The following GRM8 variants were observed in gnomAD, a reference collection of about 807,000 sequenced individuals.
The protein encoded by GRM8 is glutamate metabotropic receptor 8, also known as metabotropic glutamate receptor 8.
In GRM8, 47 loss-of-function variants were observed where a neutral mutation model predicts 87.2. The ratio of observed to expected loss-of-function variants is 0.54; its 90% CI spans 0.43 to 0.69. The LOEUF is 0.69. Among genes scored for constraint, GRM8 ranks in the 30% least tolerant of loss-of-function variants. The pLI is 0.00. For synonymous variants in GRM8, 396 were observed against 404.5 expected (o/e 0.98, Z 0.25); for missense variants, 1,019 against 1,139.2 (o/e 0.89, Z 1.52).
intron 6 of GRM8, among the ~76,000 whole-genome samples, chr7:126,801,137 C>A (rs900054600): frequency 6.6e-5 from 10 of 152,058 alleles, no homozygotes; most frequent in Non-Finnish European, 1.2e-4. Context: ...AAATACAAAT[C>A]AAAGCCATGC....
chr7:126,876,231 T>C (rs954018377), intron 6 of GRM8, among the ~76,000 whole-genome samples: 3 of 152,206 alleles, frequency 2.0e-5, no homozygotes, highest in Non-Finnish European at 4.4e-5. Flanking sequence ...ATGTCTTAAT[T>C]ATCTTGTGGC....
intron 7 of GRM8, among the ~76,000 whole-genome samples, chr7:126,696,330 G>T (rs952145037): frequency 1.3e-5 from 2 of 152,108 alleles, no homozygotes; most frequent in Admixed American, 6.6e-5. Context: ...CCATCACCTA[G>T]GTATTAAGCC....
chr7:126,941,461 A>T (rs1278030490), intron 3 of GRM8, among the ~76,000 whole-genome samples: 1 of 146,224 alleles, frequency 6.8e-6, no homozygotes, highest in African/African-American at 2.5e-5. Flanking sequence ...AAAAAAAAAA[A>T]TACAAAATAT....
At chr7:126,989,066 T>C (rs927730472) in intron 3 of GRM8, among the ~76,000 whole-genome samples, 1 of 152,182 alleles carries the variant, frequency 6.6e-6, no homozygotes, top group African/African-American at 2.4e-5. Context: ...TATAAAACTA[T>C]ATCCCATCTG....
intron 2 of GRM8, among the ~76,000 whole-genome samples, chr7:127,199,121 G>A (rs549606801): frequency 6.6e-5 from 10 of 150,842 alleles, no homozygotes; most frequent in African/African-American, 1.7e-4. Flanking sequence ...GATTACAGGC[G>A]TGAGCCACCG....
chr7:126,651,912 C>T (rs1803931839), intron 7 of GRM8, among the ~76,000 whole-genome samples: 1 of 152,168 alleles, frequency 6.6e-6, no homozygotes, highest in South Asian at 2.1e-4. Flanking sequence ...CAAGACCCTT[C>T]AGGAATGAAG....
At position 126,972,108 on chromosome 7, in the gene GRM8, C is replaced by T. The variant is rs143051170; in HGVS notation, c.728-67425G>A. On this transcript the variant is annotated intron_variant, in intron 3 of 10. Coordinates refer to ENST00000339582, the MANE Select transcript of GRM8 (RefSeq NM_000845.3). ...AATTTCCACTTCCAAGTTCCAAATG[C>T]TATGCTTTCCCCTTTTCCAATTACC... Among the ~76,000 whole-genome samples the T allele has an allele frequency of 1.3e-3, 203 of 152,262 alleles. 1 individual carries two copies. The highest frequency in any genetic ancestry group is 4.6e-3 in the African/African-American group (190 of 41,548).
intron 7 of GRM8, among the ~76,000 whole-genome samples, chr7:126,633,435 G>A (rs1383714234): frequency 6.6e-6 from 1 of 152,140 alleles, no homozygotes; most frequent in Admixed American, 6.6e-5. Context: ...ATGAGCGCTA[G>A]CATCAATGCT....
At chr7:126,491,473 GA>G (rs1808004194) in intron 9 of GRM8, among the ~76,000 whole-genome samples, 1 of 152,006 alleles carries the variant, frequency 6.6e-6, no homozygotes, top group Admixed American at 6.6e-5. Context: ...TTCAGTTTAA[GA>G]AAAAGATTAT....
chr7:127,150,043 G>C (rs1044436751), intron 2 of GRM8, among the ~76,000 whole-genome samples: 4 of 151,838 alleles, frequency 2.6e-5, no homozygotes, highest in Non-Finnish European at 4.4e-5. Flanking sequence ...AAAACAAAGG[G>C]TAACTATGTG....
intron 2 of GRM8, among the ~76,000 whole-genome samples, chr7:127,233,202 C>T (rs6947960): frequency 0.077 from 11,783 of 152,168 alleles, 689 homozygotes; most frequent in African/African-American, 0.16. Context: ...ACACAGTTAA[C>T]AAGCATTAGG....
At chr7:126,550,626 GATA>G (rs1284311943) in intron 8 of GRM8, among the ~76,000 whole-genome samples, 3 of 151,918 alleles carry the variant, frequency 2.0e-5, no homozygotes, top group Non-Finnish European at 4.4e-5. Context: ...AGAAATAAAA[GATA>G]ATGAGAAAGC....
At chr7:126,697,143 T>C (rs926486422) in intron 7 of GRM8, among the ~76,000 whole-genome samples, 4 of 144,534 alleles carry the variant, frequency 2.8e-5, no homozygotes, top group Non-Finnish European at 6.0e-5. Context: ...AAATACTGTA[T>C]GTTCTCACTT....
intron 6 of GRM8, among the ~76,000 whole-genome samples, chr7:126,826,205 G>A (rs1216655452): frequency 6.6e-6 from 1 of 152,076 alleles, no homozygotes. Context: ...CTTTATAGTA[G>A]CATGATTTAT....
chr7:126,962,105 T>C (rs1051187576), intron 3 of GRM8, among the ~76,000 whole-genome samples: 3 of 152,236 alleles, frequency 2.0e-5, no homozygotes, highest in South Asian at 2.1e-4. Context: ...TTTTCTATTA[T>C]ACAAAACTAA....
intron 3 of GRM8, among the ~76,000 whole-genome samples, chr7:127,092,097 C>T (rs1198891251): frequency 3.4e-5 from 5 of 148,460 alleles, no homozygotes; most frequent in African/African-American, 1.3e-4. Context: ...GTCATTCCCC[C>T]GTTCCACTGG....
chr7:126,823,692 TC>T (rs1167688709), intron 6 of GRM8, among the ~76,000 whole-genome samples: 1 of 152,242 alleles, frequency 6.6e-6, no homozygotes, highest in African/African-American at 2.4e-5. Flanking sequence ...ATTCTTTTTT[TC>T]ATTCTACGTT....
At chr7:126,562,020 G>A (rs1793765034) in intron 8 of GRM8, among the ~76,000 whole-genome samples, 1 of 151,812 alleles carries the variant, frequency 6.6e-6, no homozygotes, top group Non-Finnish European at 1.5e-5. Flanking sequence ...TGTGAATATA[G>A]GGCATTTTCT....
chr7:126,588,121 A>G (rs1796336973), intron 8 of GRM8, among the ~76,000 whole-genome samples: 1 of 152,172 alleles, frequency 6.6e-6, no homozygotes. Context: ...CCTGAATGTA[A>G]AAAAACATAT....
Sources: gnomAD v4.1 joint callset for allele counts (sites outside exome capture counted in the v4.1 genomes callset) on GRCh38, gnomAD v4.1.1 for gene constraint, MANE v1.5 for transcripts, NCBI Gene and HGNC (gene_info 2026-07-23, HGNC 2026-07-21) for gene names.